Variants in FAR2 observed in about 807,000 individuals in gnomAD.
FAR2 encodes the protein epididymis secretory protein Li 81.
Under a neutral mutation model 56.0 loss-of-function variants are expected in FAR2, and 19 were observed. The ratio of observed to expected loss-of-function variants is 0.34; its 90% CI spans 0.24 to 0.50. The LOEUF is 0.50. Among genes scored for constraint, FAR2 ranks in the 20% least tolerant of loss-of-function variants. The pLI is 0.98. For missense variants in FAR2, 508 were observed against 642.2 expected (o/e 0.79, Z 2.26); for synonymous variants, 219 against 218.8 (o/e 1.00, Z -0.01).
At chr12:29,204,414 A>C (rs773591554) in intron 1 of FAR2, among the ~76,000 whole-genome samples, 1 of 152,164 alleles carries the variant, frequency 6.6e-6, no homozygotes, top group Non-Finnish European at 1.5e-5. Flanking sequence ...ACAGATAGTA[A>C]CATGAGGACT....
At chr12:29,170,577 GTCTC>G (rs1170210040) in intron 1 of FAR2, among the ~76,000 whole-genome samples, 5 of 151,630 alleles carry the variant, frequency 3.3e-5, no homozygotes, top group African/African-American at 9.7e-5. Context: ...TTTCTTCTTT[GTCTC>G]TCTCTTTCTG....
At chr12:29,242,399 T>G (rs1948051929) in intron 1 of FAR2, among the ~76,000 whole-genome samples, 1 of 152,188 alleles carries the variant, frequency 6.6e-6, no homozygotes, top group Non-Finnish European at 1.5e-5. Flanking sequence ...GCTTTCAAGT[T>G]ACATAAACGC....
At chr12:29,254,025 C>A (rs4625513) in intron 1 of FAR2, among the ~76,000 whole-genome samples, 1 of 152,124 alleles carries the variant, frequency 6.6e-6, no homozygotes, top group Non-Finnish European at 1.5e-5. Context: ...GAGGTGATTG[C>A]TAAATTTGGT....
At chr12:29,305,839 A>T (rs559685891) in intron 4 of FAR2, among the ~76,000 whole-genome samples, 1 of 152,184 alleles carries the variant, frequency 6.6e-6, no homozygotes, top group Non-Finnish European at 1.5e-5. Flanking sequence ...AAAATTTTCT[A>T]AGACAAGCAA....
At chr12:29,325,781 G>A (rs1949633508) in intron 10 of FAR2, among the ~76,000 whole-genome samples, 1 of 151,904 alleles carries the variant, frequency 6.6e-6, no homozygotes, top group African/African-American at 2.4e-5. Flanking sequence ...AGCACTAAAT[G>A]CCCACAAGAG....
At chr12:29,210,871 G>A (rs887731540) in intron 1 of FAR2, among the ~76,000 whole-genome samples, 22 of 152,122 alleles carry the variant, frequency 1.4e-4, no homozygotes, top group Middle Eastern at 3.2e-3. Flanking sequence ...ACTTGAACCC[G>A]GGATGCGGAG....
intron 1 of FAR2, among the ~76,000 whole-genome samples, chr12:29,232,757 G>A (rs1591874279): frequency 1.3e-5 from 2 of 151,268 alleles, no homozygotes; most frequent in East Asian, 3.9e-4. Context: ...CCTCTTCATT[G>A]CAAATCCTGC....
At chr12:29,246,979 A>ATTCATAATAT (rs1040143286) in intron 1 of FAR2, among the ~76,000 whole-genome samples, 1 of 152,130 alleles carries the variant, frequency 6.6e-6, no homozygotes, top group Admixed American at 6.5e-5. Flanking sequence ...TTATTTCATA[A>ATTCATAATAT]TTCATAATAT....
intron 3 of FAR2, among the ~76,000 whole-genome samples, chr12:29,295,834 T>C (rs1353887337): frequency 3.7e-5 from 5 of 133,990 alleles, no homozygotes; most frequent in Non-Finnish European, 7.7e-5. Context: ...AGTGGCGCAA[T>C]CTCGGCTCAC....
At chr12:29,202,365 A>G (rs1305891060) in intron 1 of FAR2, among the ~76,000 whole-genome samples, 1 of 152,224 alleles carries the variant, frequency 6.6e-6, no homozygotes, top group East Asian at 1.9e-4. Context: ...AGAAACTTCT[A>G]GACTCCTCAA....
At chr12:29,314,432 C>CTT (rs35073792) in intron 8 of FAR2, among the ~76,000 whole-genome samples, 46,100 of 143,858 alleles carry the variant, frequency 0.32, 7,496 homozygotes, top group African/African-American at 0.37. Flanking sequence ...CCCTGTAGAT[C>CTT]TTTTTTTTTT....
chr12:29,187,947 C>G (rs1420525111), intron 1 of FAR2, among the ~76,000 whole-genome samples: 3 of 152,182 alleles, frequency 2.0e-5, no homozygotes, highest in Admixed American at 2.0e-4. Context: ...CGAAAACAGG[C>G]TGTGGGCTGG....
intron 1 of FAR2, among the ~76,000 whole-genome samples, chr12:29,200,769 G>A (rs1476422212): frequency 1.3e-5 from 2 of 152,112 alleles, no homozygotes; most frequent in Non-Finnish European, 2.9e-5. Context: ...GATGTACCGT[G>A]GGTGCTTAAG....
At chr12:29,203,884 CA>C (rs1235953905) in intron 1 of FAR2, among the ~76,000 whole-genome samples, 5 of 150,262 alleles carry the variant, frequency 3.3e-5, no homozygotes, top group Non-Finnish European at 7.4e-5. Context: ...CCTGTAGTCC[CA>C]GCTACTCGGG....
intron 10 of FAR2, among the ~76,000 whole-genome samples, chr12:29,330,055 A>C (rs1565528513): frequency 2.3e-5 from 2 of 88,448 alleles, no homozygotes; most frequent in Non-Finnish European, 4.3e-5. Context: ...TACATTTATG[A>C]CTTTTTTTTT....
chr12:29,187,939 A>G (rs1207471318), intron 1 of FAR2, among the ~76,000 whole-genome samples: 1 of 152,192 alleles, frequency 6.6e-6, no homozygotes, highest in Admixed American at 6.5e-5. Context: ...TACATTTACG[A>G]AAACAGGCTG....
At chr12:29,198,373 C>A (rs1950158741) in intron 1 of FAR2, among the ~76,000 whole-genome samples, 1 of 152,098 alleles carries the variant, frequency 6.6e-6, no homozygotes. Flanking sequence ...GGACTACAGG[C>A]ACCTGCCACC....
At chr12:29,212,447 T>A (rs1257813715) in intron 1 of FAR2, among the ~76,000 whole-genome samples, 2 of 152,214 alleles carry the variant, frequency 1.3e-5, no homozygotes, top group African/African-American at 4.8e-5. Flanking sequence ...CTGTTTTAAA[T>A]CTTCTATACT....
At chr12:29,275,201 G>T (rs2136714927) in intron 2 of FAR2, among the ~76,000 whole-genome samples, 1 of 151,996 alleles carries the variant, frequency 6.6e-6, no homozygotes, top group East Asian at 2.0e-4. Context: ...CGTTTTATAG[G>T]ATTTGGGTAG....
Sources: allele counts gnomAD v4.1 joint callset (sites outside exome capture counted in the v4.1 genomes callset), GRCh38; gene constraint gnomAD v4.1.1; transcripts MANE v1.5; gene names NCBI Gene and HGNC (gene_info 2026-07-23, HGNC 2026-07-21).